Variants in CRTAC1 observed in about 807,000 individuals in gnomAD.
The protein encoded by CRTAC1 is acidic secreted protein in cartilage.
CRTAC1 carries 37 observed loss-of-function variants against 67.8 expected under a neutral mutation model. The ratio of observed to expected loss-of-function variants is 0.55; its 90% CI spans 0.42 to 0.72. The LOEUF (loss-of-function observed/expected upper bound fraction) is 0.72. Among genes scored for constraint, CRTAC1 ranks in the 30% least tolerant of loss-of-function variants. The probability of loss-of-function intolerance (pLI) is 0.00; values close to 1 mark genes in which losing one functional copy is unlikely to be tolerated. For missense variants in CRTAC1, 780 were observed against 931.6 expected, an observed-to-expected ratio of 0.84 and a Z score of 2.12; for synonymous variants, 348 against 371.0, an observed-to-expected ratio of 0.94 and a Z score of 0.71.
intron 2 of CRTAC1, among the ~76,000 whole-genome samples, chr10:97,961,785 A>G (rs1041524848): frequency 6.6e-6 from 1 of 152,202 alleles, no homozygotes. Flanking sequence ...ATAAAGCCCC[A>G]GTAGTCTGGG....
chr10:97,884,223 C>A lies in CRTAC1; in HGVS notation c.1615G>T (p.Asp539Tyr). The A allele has an allele frequency of 6.4e-7, 1 of 1,569,744 alleles. No individual in the cohort carries two copies. The highest frequency in any genetic ancestry group is 8.6e-7 in the Non-Finnish European group (1 of 1,156,334). The change falls in exon 12 of 15, where the codon GAC becomes TAC. Residue 539 changes from aspartate to tyrosine, a missense_variant. Coordinates refer to ENST00000370597, the MANE Select transcript of CRTAC1 (RefSeq NM_018058.7). ...TTGCCCACCTCCAGTGGGGCTGGGT[C>A]CTGAAGTGTGTCCTCATCCCGGGGG... ...LYPRDEDTLQ[D>Y]PAPLECGQGF...
At position 97,978,097 on chromosome 10, in the gene CRTAC1, A is replaced by C. The variant is rs2051835970; in HGVS notation, c.224+33041T>G. ...AATAATCACCAGCCCCTCACCCCCT[A>C]ATTCTGACCAAATGCCCTAGTTGGC... On this transcript the variant is annotated intron_variant, in intron 2 of 14. Transcript: ENST00000370597. 2.6e-5 allele frequency among the ~76,000 whole-genome samples: 4 copies of C among 152,264 alleles called. No individual in the cohort carries two copies. In the South Asian group the frequency reaches 8.3e-4, roughly 32 times the overall value.
intron 2 of CRTAC1, among the ~76,000 whole-genome samples, chr10:98,009,659 T>C (rs1434341455): frequency 6.6e-6 from 1 of 152,222 alleles, no homozygotes; most frequent in Non-Finnish European, 1.5e-5. Context: ...CTTTCTACTG[T>C]TACATGCAAC....
At chr10:97,990,480 T>C (rs896460572) in intron 2 of CRTAC1, among the ~76,000 whole-genome samples, 3 of 152,208 alleles carry the variant, frequency 2.0e-5, no homozygotes, top group African/African-American at 7.2e-5. Context: ...CCAAGTCGAG[T>C]CCTTCTCCTT....
At chr10:97,961,802 C>A (rs531370071) in intron 2 of CRTAC1, among the ~76,000 whole-genome samples, 2 of 152,116 alleles carry the variant, frequency 1.3e-5, no homozygotes, top group African/African-American at 4.8e-5. Context: ...TGGGAGGCCA[C>A]GGTGGGAGGA....
At chr10:98,001,485 C>A (rs972216843) in intron 2 of CRTAC1, among the ~76,000 whole-genome samples, 1 of 152,022 alleles carries the variant, frequency 6.6e-6, no homozygotes, top group African/African-American at 2.4e-5. Context: ...CAAGGAAGAA[C>A]TCTGCCAGTT....
chr10:97,921,384 T>C (rs1286927502), intron 4 of CRTAC1, among the ~76,000 whole-genome samples: 1 of 152,276 alleles, frequency 6.6e-6, no homozygotes, highest in East Asian at 1.9e-4. Context: ...AGGCGGAAGG[T>C]AAAAAGGCAT....
chr10:97,960,524 C>A (rs1027233124), intron 2 of CRTAC1, among the ~76,000 whole-genome samples: 2 of 152,192 alleles, frequency 1.3e-5, no homozygotes, highest in African/African-American at 4.8e-5. Context: ...CATAATAAAT[C>A]TTTTCCTCTC....
At chr10:97,908,266 G>T (rs987473440) in intron 5 of CRTAC1, 119 bp from the exon 6 acceptor site, 90 of 1,067,160 alleles carry the variant, frequency 8.4e-5, no homozygotes, top group Non-Finnish European at 1.2e-4. Context: ...AGGAGCCTGG[G>T]GGGAATTCTG....
intron 2 of CRTAC1, among the ~76,000 whole-genome samples, chr10:97,936,902 T>C (rs1456247444): frequency 6.6e-6 from 1 of 151,904 alleles, no homozygotes; most frequent in Non-Finnish European, 1.5e-5. Context: ...GTGCTGGGAG[T>C]TGAACCAAGG....
intron 5 of CRTAC1, among the ~76,000 whole-genome samples, chr10:97,913,869 G>T (rs2050723337): frequency 6.6e-6 from 1 of 152,178 alleles, no homozygotes; most frequent in Non-Finnish European, 1.5e-5. Flanking sequence ...GTGAGGATCT[G>T]CCAGAAGGCC....
intron 2 of CRTAC1, among the ~76,000 whole-genome samples, chr10:97,962,794 T>C (rs1010298605): frequency 6.8e-6 from 1 of 147,498 alleles, no homozygotes; most frequent in African/African-American, 2.5e-5. Flanking sequence ...AGGGCTGAAA[T>C]TCAGTACACA....
intron 11 of CRTAC1, among the ~76,000 whole-genome samples, chr10:97,886,933 C>T (rs953098427): frequency 3.3e-5 from 5 of 151,984 alleles, no homozygotes; most frequent in Non-Finnish European, 5.9e-5. Flanking sequence ...ACGTGACCCA[C>T]CACACCCGGC....
At chr10:97,885,884 T>C (rs2050276299) in intron 11 of CRTAC1, among the ~76,000 whole-genome samples, 1 of 152,268 alleles carries the variant, frequency 6.6e-6, no homozygotes, top group African/African-American at 2.4e-5. Context: ...CCATTATTTT[T>C]CCTAATATAT....
chr10:97,989,551 T>C (rs114950068), intron 2 of CRTAC1, among the ~76,000 whole-genome samples: 1,833 of 152,304 alleles, frequency 0.012, 51 homozygotes, highest in African/African-American at 0.041. Flanking sequence ...TATCTAAATA[T>C]AGAAAAGGTA....
intron 14 of CRTAC1, chr10:97,879,595 G>T: frequency 6.8e-7 from 1 of 1,478,934 alleles, no homozygotes; most frequent in Non-Finnish European, 9.0e-7. Context: ...CCTACTGGGC[G>T]TGGAGAGAGA....
chr10:98,020,231 C>A (rs935497129), intron 1 of CRTAC1, among the ~76,000 whole-genome samples: 1 of 151,974 alleles, frequency 6.6e-6, no homozygotes, highest in Non-Finnish European at 1.5e-5. Flanking sequence ...ACTCTGGACA[C>A]CAGACACACA....
chr10:97,957,907 C>T (rs1432319446), intron 2 of CRTAC1, among the ~76,000 whole-genome samples: 3 of 152,108 alleles, frequency 2.0e-5, no homozygotes, highest in African/African-American at 4.8e-5. Flanking sequence ...ATATCATAAC[C>T]TATGTGACAT....
In CRTAC1 at chr10:97,895,286, C is replaced by T. The variant is rs2050440530; in HGVS notation, c.1445G>A (p.Gly482Asp). The T allele has an allele frequency of 6.2e-7, 1 of 1,613,320 alleles. No individual in the cohort carries two copies. Among genetic ancestry groups the T allele is most frequent in the Non-Finnish European group, 8.5e-7 (1 of 1,180,006 alleles). ...CACGGGCTCCATCTCACACAGGTAG[C>T]CTGAGCCCCCGTCGATGATCCTCAG... ...AHLRIIDGGSGYLCEMEPVAH... is the reference protein window; with the variant it reads ...AHLRIIDGGSDYLCEMEPVAH... Residue 482 changes from glycine (G) to aspartate (D), a missense_variant, in exon 11 of 15, where the codon GGC becomes GAC. Physicochemically the swap from Gly to Asp is moderately conservative, Grantham distance 94. Coordinates refer to ENST00000370597, the MANE Select transcript of CRTAC1 (RefSeq NM_018058.7). The surrounding 1 kb of genome is among the most constrained non-coding windows in gnomAD (Gnocchi z 4.2).
Sources: gnomAD v4.1 joint callset for allele counts (sites outside exome capture counted in the v4.1 genomes callset) on GRCh38, gnomAD v4.1.1 for gene constraint, Gnocchi (gnomAD v3.1) non-coding constraint, MANE v1.5 for transcripts, NCBI Gene and HGNC (gene_info 2026-07-23, HGNC 2026-07-21) for gene names.